Variants in DUS1L observed in about 807,000 individuals in gnomAD.
The protein encoded by DUS1L is tRNA-dihydrouridine(16/17) synthase [NAD(P)(+)]-like.
Under a neutral mutation model 61.2 loss-of-function variants are expected in DUS1L, and 56 were observed. That is an observed-to-expected ratio of 0.92 (90% CI 0.74 to 1.14). The LOEUF (loss-of-function observed/expected upper bound fraction) is 1.14. Ranked by LOEUF, DUS1L falls within the 50% of genes most tolerant of loss-of-function variation. DUS1L has a pLI of 0.00. For missense variants in DUS1L, 630 were observed against 632.4 expected (o/e 1.00, Z 0.04); for synonymous variants, 278 against 259.5 (o/e 1.07, Z -0.69).
chr17:82,064,675 T>C (rs62078732), intron 2 of DUS1L, 148 bp downstream of exon 2: 1 of 818,666 alleles, frequency 1.2e-6, no homozygotes, highest in Non-Finnish European at 1.9e-6. Flanking sequence ...TCTACATGCC[T>C]GGTGCCACCT....
chr17:82,064,354 G>T (rs2033660913), intron 2 of DUS1L, 120 bp from the exon 3 acceptor site: 5 of 822,840 alleles, frequency 6.1e-6, no homozygotes, highest in Non-Finnish European at 9.7e-6. Flanking sequence ...CTGCAGGAGG[G>T]TGCTCTGTCC....
At chr17:82,064,283 C>G (rs376736705) in intron 2 of DUS1L, 49 bp from the exon 3 acceptor site, 1 of 1,530,730 alleles carries the variant, frequency 6.5e-7, no homozygotes, top group Non-Finnish European at 8.9e-7. Flanking sequence ...GCCCTAGTCC[C>G]TTGCTGCCCA....
At position 82,058,249 on chromosome 17, in the gene DUS1L, C is replaced by T. The variant is rs144652762; in HGVS notation, c.1288G>A (p.Gly430Arg). ...TCCAATTTGGTTTTAAAAAGCAATC[C>T]GTGACCTGGCAGAGCGAGTGAGAGG... The part of the protein sequence containing the change: ...SKETADCPGH[G>R]LLFKTKLEKS... The change falls in exon 14 of 14, where the codon GGA becomes AGA. Residue 430 changes from glycine (G) to arginine (R), a missense_variant. Physicochemically the swap from Gly to Arg is moderately radical, Grantham distance 125. Transcript: ENST00000306796. The T allele has an allele frequency of 1.6e-5, 26 of 1,578,606 alleles. No homozygotes were observed. The highest frequency in any genetic ancestry group is 3.4e-5 in the South Asian group (3 of 88,130).
intron 2 of DUS1L, among the ~76,000 whole-genome samples, chr17:82,064,518 G>A (rs921910800): frequency 2.0e-5 from 3 of 152,248 alleles, no homozygotes; most frequent in African/African-American, 7.2e-5. Flanking sequence ...GAGTGTGAGA[G>A]GCAGCAATCC....
Position 82,057,894 on chromosome 17 carries a change from T to G in DUS1L, c.*221A>C. 4 of 427,636 alleles carry G rather than the reference T, an allele frequency of 9.4e-6. No homozygotes were observed. Among genetic ancestry groups the G allele is most frequent in the South Asian group, 6.4e-5 (1 of 15,690 alleles). The allele number at this position is 427,636 out of a possible 1,614,324, so 26.5% of individuals were successfully genotyped here. A position where few individuals can be genotyped will look rare whatever the true frequency, so the allele number is the denominator to read the frequency against. ...GTGGGCTCTCGCATCTTTGAAATGA[T>G]TTATTGTTCACTTTTGCACACGCGT... On this transcript the variant is annotated 3_prime_UTR_variant, in exon 14 of 14. Coordinates refer to ENST00000306796, the MANE Select transcript of DUS1L (RefSeq NM_022156.5).
At position 82,057,637 on chromosome 17, in the gene DUS1L, C is replaced by G. The variant is rs1266597663; in HGVS notation, c.*478G>C. On this transcript the variant is annotated 3_prime_UTR_variant, in exon 14 of 14. Transcript: ENST00000306796. ...CCCCCAGCAGCAGCCACTGTGGCCT[C>G]GCAGGCGGTGCTTCCAAGGCTGTGA... 2 of 250,262 alleles carry G rather than the reference C, an allele frequency of 8.0e-6. No individual in the cohort carries two copies. The highest frequency in any genetic ancestry group is 1.6e-5 in the Non-Finnish European group (2 of 124,320). The allele number at this position is 250,262 out of a possible 1,614,324, so 15.5% of individuals were successfully genotyped here. A position where few individuals can be genotyped will look rare whatever the true frequency, so the allele number is the denominator to read the frequency against.
At chr17:82,064,767 G>A in intron 2 of DUS1L, 56 bp downstream of exon 2, 2 of 1,456,376 alleles carry the variant, frequency 1.4e-6, no homozygotes, top group East Asian at 2.3e-5. Flanking sequence ...TTTTTCCCCA[G>A]GCATTCCAGG....
At chr17:82,061,093 G>A in intron 8 of DUS1L, 116 bp downstream of exon 8, 1 of 1,540,048 alleles carries the variant, frequency 6.5e-7, no homozygotes, top group Non-Finnish European at 8.8e-7. Context: ...AGCCCCTCAA[G>A]ACCTGACTTA....
At position 82,062,942 on chromosome 17, in the gene DUS1L, AG is replaced by A; in HGVS notation, c.428del (p.Pro143LeufsTer16). 1 of 1,613,002 alleles carries A rather than the reference AG, an allele frequency of 6.2e-7. No homozygotes were observed. ...ILLAHEKLSV[P>X]VTCKIRVFPE... ...GGAAGACACGGATTTTGCACGTGACAGGAACAGAGAGTTTCTCGTGGGCCAG... is the reference window on the plus strand; with the variant it reads ...GGAAGACACGGATTTTGCACGTGACAGAACAGAGAGTTTCTCGTGGGCCAG... On this transcript the variant is annotated frameshift_variant, in exon 5 of 14. Transcript: ENST00000306796. LOFTEE classifies it high-confidence loss of function.
chr17:82,062,336 G>T (rs535498058), intron 5 of DUS1L, among the ~76,000 whole-genome samples: 1 of 152,080 alleles, frequency 6.6e-6, no homozygotes, highest in Non-Finnish European at 1.5e-5. Flanking sequence ...GTGGGGCACT[G>T]GGGGGGAAAG....
chr17:82,061,598 C>A lies in DUS1L; in HGVS notation c.697+20G>T. ...GGCCGTGTGCATGGGGCCCTGGCTGCTGTCCTGGGCCCTGCCCACCTGCGC... is the reference window on the plus strand; with the variant it reads ...GGCCGTGTGCATGGGGCCCTGGCTGATGTCCTGGGCCCTGCCCACCTGCGC... On this transcript the variant is annotated intron_variant, in intron 7 of 13. Transcript: ENST00000306796. The A allele has an allele frequency of 1.2e-6, 2 of 1,600,374 alleles. No homozygotes were observed. Among genetic ancestry groups the A allele is most frequent in the Non-Finnish European group, 1.7e-6 (2 of 1,173,050 alleles).
intron 4 of DUS1L, 29 bp downstream of exon 4, chr17:82,063,439 G>A (rs763921072): frequency 1.2e-6 from 2 of 1,613,690 alleles, no homozygotes; most frequent in Admixed American, 3.3e-5. Flanking sequence ...GTCTCTGGGG[G>A]TCCTTCACCA....
rs1335140548 is a variant in DUS1L, at chr17:82,060,881, A to G, written c.923T>C (p.Leu308Pro). Reference protein sequence around the residue: ...LEGIAAVSQELKLRCQEEISR... With the variant: ...LEGIAAVSQEPKLRCQEEISR... ...AGCACCTGCCTGACACCGCAGCTTC[A>G]GCTCCTGGCTCACAGCAGCGATGCC... Residue 308 changes from leucine (L) to proline (P), a missense_variant, in exon 9 of 14, where the codon CTG (leucine) becomes CCG (proline). Coordinates refer to ENST00000306796, the MANE Select transcript of DUS1L (RefSeq NM_022156.5). 6.2e-7 allele frequency: 1 copy of G among 1,611,980 alleles called. No individual in the cohort carries two copies. The highest frequency in any genetic ancestry group is 2.2e-5 in the East Asian group (1 of 44,864).
At chr17:82,063,220 G>T in intron 4 of DUS1L, 1 of 635,230 alleles carries the variant, frequency 1.6e-6, no homozygotes. Flanking sequence ...GACATCTGGG[G>T]CTGGGCCCGA....
intron 2 of DUS1L, 49 bp from the exon 3 acceptor site, chr17:82,064,283 CT>C: frequency 6.5e-7 from 1 of 1,530,730 alleles, no homozygotes; most frequent in South Asian, 1.1e-5. Flanking sequence ...GCCCTAGTCC[CT>C]TGCTGCCCAG....
intron 5 of DUS1L, among the ~76,000 whole-genome samples, chr17:82,062,245 C>T (rs1425846241): frequency 6.6e-6 from 1 of 152,202 alleles, no homozygotes; most frequent in African/African-American, 2.4e-5. Context: ...GCTGCCCAGG[C>T]CCATGCAAGA....
chr17:82,062,338 G>T (rs1437239676), intron 5 of DUS1L, among the ~76,000 whole-genome samples: 1 of 152,242 alleles, frequency 6.6e-6, no homozygotes, highest in Non-Finnish European at 1.5e-5. Flanking sequence ...GGGGCACTGG[G>T]GGGGAAAGTG....
intron 11 of DUS1L, 105 bp downstream of exon 11, chr17:82,059,843 C>T (rs1203191521): frequency 4.6e-6 from 7 of 1,515,832 alleles, no homozygotes; most frequent in Middle Eastern, 1.8e-4. Context: ...CAGCTCTGGG[C>T]CTTGAGCCTT....
At chr17:82,062,594 C>T (rs1364261946) in intron 5 of DUS1L, among the ~76,000 whole-genome samples, 1 of 152,270 alleles carries the variant, frequency 6.6e-6, no homozygotes, top group Non-Finnish European at 1.5e-5. Flanking sequence ...CCCTGCCGGC[C>T]TCTGTGACAC....
Sources: allele counts gnomAD v4.1 joint callset (sites outside exome capture counted in the v4.1 genomes callset), GRCh38; gene constraint gnomAD v4.1.1; transcripts MANE v1.5; gene names NCBI Gene and HGNC (gene_info 2026-07-23, HGNC 2026-07-21).